TRMT10A: variants seen among roughly 807,000 people sequenced by gnomAD.
TRMT10A encodes the protein tRNA methyltransferase 10A, also known as tRNA methyltransferase 10 homolog A.
TRMT10A carries 37 observed loss-of-function variants against 40.4 expected under a neutral mutation model. That is an observed-to-expected ratio of 0.92 (90% CI 0.71 to 1.21). The LOEUF (loss-of-function observed/expected upper bound fraction) is 1.21. TRMT10A is among the 50% of genes most tolerant of loss of function. TRMT10A has a pLI of 0.00. For synonymous variants in TRMT10A, 103 were observed against 134.1 expected (o/e 0.77, Z 1.60); for missense variants, 388 against 404.3 (o/e 0.96, Z 0.35).
rs1340880635 is a variant in TRMT10A, at chr4:99,548,968, A to C, written c.*120T>G. ...TTTATTATTATTTAGGTCCAAAAAAAAGTTTTTAAAAATCACAACAGAAAT... is the reference window on the plus strand; with the variant it reads ...TTTATTATTATTTAGGTCCAAAAAACAGTTTTTAAAAATCACAACAGAAAT... On this transcript the variant is annotated 3_prime_UTR_variant, in exon 8 of 8. Transcript: ENST00000394876. 9.1e-7 allele frequency: 1 copy of C among 1,102,462 alleles called. No individual in the cohort carries two copies. The highest frequency in any genetic ancestry group is 1.2e-6 in the Non-Finnish European group (1 of 821,538). The allele number at this position is 1,102,462 out of a possible 1,614,324, so 68.3% of individuals were successfully genotyped here. A position where few individuals can be genotyped will look rare whatever the true frequency, so the allele number is the denominator to read the frequency against.
intron 1 of TRMT10A, among the ~76,000 whole-genome samples, chr4:99,561,437 TTCA>T (rs571226266): frequency 4.0e-4 from 61 of 152,200 alleles, no homozygotes; most frequent in East Asian, 1.4e-3. Context: ...GGTCAACATC[TTCA>T]TCATCATCAT....
At chr4:99,558,467 CATTT>C (rs1560602919) in intron 2 of TRMT10A, among the ~76,000 whole-genome samples, 1 of 152,012 alleles carries the variant, frequency 6.6e-6, no homozygotes, top group Non-Finnish European at 1.5e-5. Flanking sequence ...TGAATAGTTT[CATTT>C]GTTATTGGTA....
At chr4:99,549,491 T>C in intron 7 of TRMT10A, 135 bp from the exon 8 acceptor site, 2 of 1,204,750 alleles carry the variant, frequency 1.7e-6, no homozygotes, top group Non-Finnish European at 2.3e-6. Context: ...AGCTCTTCTT[T>C]CTATTGTCTG....
chr4:99,559,239 C>A lies in TRMT10A; in HGVS notation c.100G>T (p.Gly34Cys). Residue 34 changes from glycine to cysteine, a missense_variant, in exon 2 of 8, where the codon GGT becomes TGT. Transcript: ENST00000394876. ...TTAGATATTGGTTCACACCCTTCAC[C>A]TAATCTTGGCTTCTGGCTCTCCTCT... ...DQEESQKPRL[G>C]EGCEPISKRQ... The A allele has an allele frequency of 1.2e-6, 2 of 1,613,682 alleles. No homozygotes were observed. The highest frequency in any genetic ancestry group is 1.7e-6 in the Non-Finnish European group (2 of 1,179,702).
chr4:99,557,422 A>T lies in TRMT10A; in HGVS notation c.349-6T>A, dbSNP rs1297763608. 3 of 1,611,768 alleles carry T rather than the reference A, an allele frequency of 1.9e-6. No homozygotes were observed. The Admixed American group carries it at 5.0e-5, about 27-fold the overall frequency. ...TTATGAAGTTTCTTAATGTCCTATC[A>T]CAGAGTTCAATTTTTAAAGCAAAGT... On this transcript the variant is annotated splice_polypyrimidine_tract_variant and splice_region_variant and intron_variant, in intron 3 of 7. Transcript: ENST00000394876.
At chr4:99,551,929 T>G (rs1258489767) in intron 6 of TRMT10A, among the ~76,000 whole-genome samples, 3 of 151,908 alleles carry the variant, frequency 2.0e-5, no homozygotes, top group African/African-American at 7.2e-5. Flanking sequence ...GAGGAAAATT[T>G]TTTTTTTAAT....
At chr4:99,550,821 A>C in intron 7 of TRMT10A, 64 bp downstream of exon 7, 1 of 1,162,356 alleles carries the variant, frequency 8.6e-7, no homozygotes, top group Non-Finnish European at 1.3e-6. Flanking sequence ...TCAAATACTA[A>C]ATGTAATATT....
intron 1 of TRMT10A, among the ~76,000 whole-genome samples, chr4:99,562,715 C>CG (rs1460604135): frequency 6.6e-6 from 1 of 151,694 alleles, no homozygotes; most frequent in Non-Finnish European, 1.5e-5. Flanking sequence ...TTAGTAGAGA[C>CG]GGGGTTTCAC....
In TRMT10A at chr4:99,546,732, G is replaced by A. The variant is rs1428420195; in HGVS notation, c.*2356C>T. On this transcript the variant is annotated 3_prime_UTR_variant, in exon 8 of 8. Coordinates refer to ENST00000394876, the MANE Select transcript of TRMT10A (RefSeq NM_001134665.3). ...TATATTTTTTGATGCATTTATTTAG[G>A]TAGTTTAATTCTCTACTTTTATTAT... is the stretch of plus-strand genomic sequence containing the variant. 1 of 152,008 alleles carries A rather than the reference G, an allele frequency of 6.6e-6. No homozygotes were observed. Among genetic ancestry groups the A allele is most frequent in the East Asian group, 1.9e-4 (1 of 5,198 alleles). The allele number at this position is 152,008 out of a possible 1,614,324, so 9.4% of individuals were successfully genotyped here. A position where few individuals can be genotyped will look rare whatever the true frequency, so the allele number is the denominator to read the frequency against.
intron 1 of TRMT10A, among the ~76,000 whole-genome samples, chr4:99,562,942 C>A (rs561615174): frequency 9.9e-5 from 15 of 152,128 alleles, no homozygotes; most frequent in East Asian, 3.9e-4. Context: ...CTGCCTCAGC[C>A]CCCCCAGTAG....
At position 99,548,934 on chromosome 4, in the gene TRMT10A, G is replaced by GT. The variant is rs1723845774; in HGVS notation, c.*153_*154insA. 1.8e-5 allele frequency: 12 copies of GT among 660,644 alleles called. No individual in the cohort carries two copies. In the East Asian group the frequency reaches 3.7e-4, roughly 20 times the overall value. 40.9% of individuals were successfully genotyped at this position (660,644 alleles called of 1,614,324 possible). A position where few individuals can be genotyped will look rare whatever the true frequency, so the allele number is the denominator to read the frequency against. Reference sequence around the variant, plus strand: ...AATATTTCCTTACAAAGTTTAAAGGGCTTTTTTTTTTATTATTATTTAGGT... The same window carrying GT: ...AATATTTCCTTACAAAGTTTAAAGGGTCTTTTTTTTTTATTATTATTTAGGT... On this transcript the variant is annotated 3_prime_UTR_variant, in exon 8 of 8. Coordinates refer to ENST00000394876, the MANE Select transcript of TRMT10A (RefSeq NM_001134665.3).
At chr4:99,558,268 C>G (rs1005254416) in intron 2 of TRMT10A, 57 bp from the exon 3 acceptor site, 1 of 1,354,316 alleles carries the variant, frequency 7.4e-7, no homozygotes, top group Non-Finnish European at 1.0e-6. Context: ...ATTTACAAGA[C>G]TCTTCTAAAT....
rs1723860684 is a variant in TRMT10A at position 99,549,168 on chromosome 4, T to G, written c.940A>C (p.Asn314His). ...TCTTCATGTGGTGAATCTAGTTCAT[T>G]TCTGCTATATTCCTCCTCACTGGAA... ...SDSSEEEYSRNELDSPHEEKQ... is the reference protein window; with the variant it reads ...SDSSEEEYSRHELDSPHEEKQ... The change falls in exon 8 of 8, where the codon AAT (asparagine) becomes CAT (histidine). Residue 314 changes from asparagine to histidine, a missense_variant. Physicochemically the swap from Asn to His is moderately conservative, Grantham distance 68. Coordinates refer to ENST00000394876, the MANE Select transcript of TRMT10A (RefSeq NM_001134665.3). 2 of 1,614,106 alleles carry G rather than the reference T, an allele frequency of 1.2e-6. No homozygotes were observed. The highest frequency in any genetic ancestry group is 1.7e-6 in the Non-Finnish European group (2 of 1,179,992).
rs1166295339 is a variant in TRMT10A, at chr4:99,559,177, C to G, written c.162G>C (p.Trp54Cys). 1 of 1,612,410 alleles carries G rather than the reference C, an allele frequency of 6.2e-7. No individual in the cohort carries two copies. Reference protein sequence around the residue: ...QMKKLIKQKQWEEQRELRKQK... With the variant: ...QMKKLIKQKQCEEQRELRKQK... ...ACTTGCGGAGTTCCCGTTGCTCTTC[C>G]CATTGTTTCTGTTTTATTAGTTTTT... Residue 54 changes from tryptophan to cysteine, a missense_variant, in exon 2 of 8, where the codon TGG becomes TGC. Coordinates refer to ENST00000394876, the MANE Select transcript of TRMT10A (RefSeq NM_001134665.3).
chr4:99,558,691 C>T (rs374285198), intron 2 of TRMT10A, among the ~76,000 whole-genome samples: 2 of 152,200 alleles, frequency 1.3e-5, no homozygotes, highest in African/African-American at 4.8e-5. Flanking sequence ...ATTACAACGA[C>T]AAATTTAGCC....
At position 99,564,004 on chromosome 4, in the gene TRMT10A, T is replaced by G; in HGVS notation, c.-115A>C. On this transcript the variant is annotated 5_prime_UTR_variant, in exon 1 of 8. Coordinates refer to ENST00000394876, the MANE Select transcript of TRMT10A (RefSeq NM_001134665.3). The stretch of plus-strand genomic sequence containing the variant: ...GGCTCACGCTTCCTTCCACAGAAAC[T>G]TCAATTCCCAGAGGCAGGGGCGGTA... 2.0e-6 allele frequency: 3 copies of G among 1,472,972 alleles called. No individual in the cohort carries two copies. The highest frequency in any genetic ancestry group is 2.0e-5 in the Admixed American group (1 of 50,776). The allele number at this position is 1,472,972 out of a possible 1,614,324, so 91.2% of individuals were successfully genotyped here. A position where few individuals can be genotyped will look rare whatever the true frequency, so the allele number is the denominator to read the frequency against.
At chr4:99,563,579 T>C (rs1168898723) in intron 1 of TRMT10A, 3 of 259,392 alleles carry the variant, frequency 1.2e-5, no homozygotes, top group African/African-American at 6.8e-5. Flanking sequence ...TACGGGCCGA[T>C]GGCAACCCCA....
rs1430528776 is a variant in TRMT10A, at chr4:99,563,896, A to C, written c.-24+17T>G. On this transcript the variant is annotated intron_variant, in intron 1 of 7. Coordinates refer to ENST00000394876, the MANE Select transcript of TRMT10A (RefSeq NM_001134665.3). ...ACCATAGTGCGGGGGAGCGCCAACC[A>C]GTGCCAGGACACTTACCGAGCTGAA... is the stretch of plus-strand genomic sequence containing the variant. The C allele has an allele frequency of 2.7e-6, 2 of 729,174 alleles. No homozygotes were observed. The highest frequency in any genetic ancestry group is 4.0e-5 in the Admixed American group (2 of 49,908). The allele number at this position is 729,174 out of a possible 1,614,324, so 45.2% of individuals were successfully genotyped here.
At chr4:99,549,868 T>C (rs919264991) in intron 7 of TRMT10A, among the ~76,000 whole-genome samples, 1 of 152,196 alleles carries the variant, frequency 6.6e-6, no homozygotes, top group East Asian at 1.9e-4. Context: ...CCTGAATTAC[T>C]TTGTGGAAAA....
Sources: gnomAD v4.1 joint callset for allele counts (sites outside exome capture counted in the v4.1 genomes callset) on GRCh38, gnomAD v4.1.1 for gene constraint, MANE v1.5 for transcripts, NCBI Gene and HGNC (gene_info 2026-07-23, HGNC 2026-07-21) for gene names.